SEPTIN7: variants seen among roughly 807,000 people sequenced by gnomAD.
SEPTIN7 encodes septin 7.
In SEPTIN7, 10 loss-of-function variants were observed where a neutral mutation model predicts 63.3. The ratio of observed to expected loss-of-function variants is 0.16; its 90% CI spans 0.10 to 0.27. The LOEUF (loss-of-function observed/expected upper bound fraction) is 0.27. SEPTIN7 is among the 10% of genes least tolerant of loss of function. SEPTIN7 has a pLI of 1.00. For synonymous variants in SEPTIN7, 131 were observed against 165.3 expected (o/e 0.79, Z 1.59); for missense variants, 310 against 521.0 (o/e 0.59, Z 3.94).
At chr7:35,889,048 A>C (rs1271338942) in intron 10 of SEPTIN7, among the ~76,000 whole-genome samples, 1 of 152,206 alleles carries the variant, frequency 6.6e-6, no homozygotes, top group African/African-American at 2.4e-5. Context: ...AGGGGATCTT[A>C]CAGTTGAAGA....
rs1320868720 is a variant in SEPTIN7 at position 35,801,254 on chromosome 7, C to T, written c.45C>T (p.Val15=). ...CCGCTGCTGCTGAGGAGAGGAGCGT[C>T]AACAGCAGCACCATGGGTGAGTCTC... The part of the protein sequence containing the change: ...ARSAAAEERS[V]NSSTMVAQQK... The change falls in exon 1 of 14, where the codon GTC becomes GTT. Residue 15 remains valine (V), a synonymous_variant. Transcript: ENST00000350320. 5 of 1,528,742 alleles carry T rather than the reference C, an allele frequency of 3.3e-6. No individual in the cohort carries two copies. The South Asian group carries it at 4.9e-5, about 15-fold the overall frequency. The allele number at this position is 1,528,742 out of a possible 1,614,324, so 94.7% of individuals were successfully genotyped here. A position where few individuals can be genotyped will look rare whatever the true frequency, so the allele number is the denominator to read the frequency against.
rs746609490 is a variant in SEPTIN7, at chr7:35,884,020, A to T, written c.820+33A>T. The T allele has an allele frequency of 3.0e-6, 4 of 1,319,980 alleles. No homozygotes were observed. The South Asian group carries it at 3.5e-5, about 12-fold the overall frequency. 81.8% of individuals were successfully genotyped at this position (1,319,980 alleles called of 1,614,324 possible). A position where few individuals can be genotyped will look rare whatever the true frequency, so the allele number is the denominator to read the frequency against. On this transcript the variant is annotated intron_variant, in intron 9 of 13. Transcript: ENST00000350320. ...TTTCTTCAGTGAATGACTTTCTAAA[A>T]TATCTCAAAACTGATTAAAAATTTG...
intron 8 of SEPTIN7, among the ~76,000 whole-genome samples, chr7:35,882,779 G>GT (rs1433068798): frequency 1.3e-5 from 2 of 152,040 alleles, no homozygotes; most frequent in Non-Finnish European, 2.9e-5. Context: ...AACTACTGAG[G>GT]TGAATAACAC....
chr7:35,804,841 T>G (rs981880692), intron 1 of SEPTIN7, among the ~76,000 whole-genome samples: 13 of 148,226 alleles, frequency 8.8e-5, no homozygotes, highest in African/African-American at 2.2e-4. Context: ...TTTTGTTTTT[T>G]TTTTTTTTTT....
chr7:35,884,379 T>A (rs1482281934), intron 9 of SEPTIN7, among the ~76,000 whole-genome samples: 1 of 152,174 alleles, frequency 6.6e-6, no homozygotes, highest in African/African-American at 2.4e-5. Flanking sequence ...AGCACAGATA[T>A]TCCAAAATTC....
At chr7:35,830,314 G>C (rs563353470) in intron 1 of SEPTIN7, among the ~76,000 whole-genome samples, 1 of 152,322 alleles carries the variant, frequency 6.6e-6, no homozygotes, top group South Asian at 2.1e-4. Flanking sequence ...AGGGGAGGAA[G>C]TGTAGCAGGA....
At chr7:35,858,685 T>TC (rs1785341483) in intron 3 of SEPTIN7, among the ~76,000 whole-genome samples, 1 of 150,044 alleles carries the variant, frequency 6.7e-6, no homozygotes, top group Non-Finnish European at 1.5e-5. Flanking sequence ...CTTTTTCTTT[T>TC]TTTTTTTTTT....
chr7:35,804,843 T>G lies in SEPTIN7; in HGVS notation c.61+3573T>G, dbSNP rs991069821. Among the ~76,000 whole-genome samples, 7 of 148,632 alleles carry G rather than the reference T, an allele frequency of 4.7e-5. No homozygotes were observed. In the East Asian group the frequency reaches 5.8e-4, roughly 12 times the overall value. On this transcript the variant is annotated intron_variant, in intron 1 of 13. Transcript: ENST00000350320. Reference sequence around the variant, plus strand: ...AGCGTGTTTCTTTTTTTGTTTTTTTTTTTTTTTTTTGAGACGTAATTTCGC... The same window carrying G: ...AGCGTGTTTCTTTTTTTGTTTTTTTGTTTTTTTTTTGAGACGTAATTTCGC...
intron 6 of SEPTIN7, chr7:35,874,156 AT>A (rs1243379324): frequency 6.3e-6 from 1 of 159,284 alleles, no homozygotes; most frequent in Non-Finnish European, 1.4e-5. Flanking sequence ...GATGCTATTT[AT>A]TATAAGTTTC....
the SEPTIN7 span, among the ~76,000 whole-genome samples, chr7:35,912,276 A>G: frequency 6.6e-6 from 1 of 152,268 alleles, no homozygotes. Flanking sequence ...TGGCCTGCCC[A>G]GGGCAGAAAA....
At position 35,904,338 on chromosome 7, in the gene SEPTIN7, A is replaced by C; in HGVS notation, c.*45A>C. The C allele has an allele frequency of 6.8e-7, 1 of 1,475,750 alleles. No individual in the cohort carries two copies. The highest frequency in any genetic ancestry group is 1.4e-5 in the African/African-American group (1 of 71,342). The allele number at this position is 1,475,750 out of a possible 1,614,324, so 91.4% of individuals were successfully genotyped here. A position where few individuals can be genotyped will look rare whatever the true frequency, so the allele number is the denominator to read the frequency against. On this transcript the variant is annotated 3_prime_UTR_variant, in exon 14 of 14. Coordinates refer to ENST00000350320, the MANE Select transcript of SEPTIN7 (RefSeq NM_001788.6). ...TTAACGTATTAGTTGCCAATATGCC[A>C]GCTTGGACATCAGTGTTTGTTGGAT...
intron 1 of SEPTIN7, chr7:35,812,060 G>T (rs1381151384): frequency 1.6e-5 from 4 of 252,084 alleles, no homozygotes; most frequent in Non-Finnish European, 3.4e-5. Context: ...CTAGGAGGCA[G>T]AGGTTGCCGT....
chr7:35,829,509 T>A (rs1224820614), intron 1 of SEPTIN7, among the ~76,000 whole-genome samples: 2 of 152,186 alleles, frequency 1.3e-5, no homozygotes, highest in East Asian at 1.9e-4. Context: ...TGCCAAAGAC[T>A]GTTCTTGTTG....
intron 6 of SEPTIN7, among the ~76,000 whole-genome samples, chr7:35,877,571 TAAAG>T (rs1282936740): frequency 1.3e-5 from 2 of 152,242 alleles, no homozygotes; most frequent in Non-Finnish European, 2.9e-5. Context: ...TTATAAAAGT[TAAAG>T]AATACCACTT....
intron 3 of SEPTIN7, among the ~76,000 whole-genome samples, chr7:35,851,967 C>T (rs1784981835): frequency 1.3e-5 from 2 of 152,186 alleles, no homozygotes; most frequent in Admixed American, 1.3e-4. Context: ...TACTCTTCTA[C>T]TTTACCCCCC....
chr7:35,832,202 T>C (rs564205323), intron 2 of SEPTIN7: 6 of 412,476 alleles, frequency 1.5e-5, no homozygotes, highest in Admixed American at 8.6e-5. Flanking sequence ...AGTAGGATCA[T>C]GTGAAACCTT....
At chr7:35,902,387 T>C (rs1788378164) in intron 12 of SEPTIN7, 1 of 152,152 alleles carries the variant, frequency 6.6e-6, no homozygotes, top group Non-Finnish European at 1.5e-5. Context: ...CCAGCTGCAT[T>C]AGAATCACTG....
intron 7 of SEPTIN7, among the ~76,000 whole-genome samples, chr7:35,881,561 T>C (rs2116277945): frequency 6.6e-6 from 1 of 151,954 alleles, no homozygotes; most frequent in South Asian, 2.1e-4. Context: ...TCCTATTTTT[T>C]TTCAGTGACA....
intron 3 of SEPTIN7, among the ~76,000 whole-genome samples, chr7:35,835,375 A>G (rs1459600375): frequency 6.6e-6 from 1 of 152,184 alleles, no homozygotes; most frequent in Non-Finnish European, 1.5e-5. Context: ...TGTTTTCAGT[A>G]CTTTATGGGC....
Sources: allele counts gnomAD v4.1 joint callset (sites outside exome capture counted in the v4.1 genomes callset), GRCh38; gene constraint gnomAD v4.1.1; transcripts MANE v1.5; gene names NCBI Gene and HGNC (gene_info 2026-07-23, HGNC 2026-07-21).